The following SLC35F1 variants were observed in gnomAD, a reference collection of about 807,000 sequenced individuals.
SLC35F1 encodes the protein solute carrier family 35 member F1.
Under a neutral mutation model 48.7 loss-of-function variants are expected in SLC35F1, and 14 were observed. The ratio of observed to expected loss-of-function variants is 0.29; its 90% CI spans 0.19 to 0.45. The LOEUF (loss-of-function observed/expected upper bound fraction) is 0.45. Among genes scored for constraint, SLC35F1 ranks in the 20% least tolerant of loss-of-function variants. The pLI, the probability that SLC35F1 is intolerant of heterozygous loss-of-function variation, is 1.00. For missense variants in SLC35F1, 404 were observed against 500.0 expected (o/e 0.81, Z 1.83); for synonymous variants, 190 against 202.2 (o/e 0.94, Z 0.51).
intron 7 of SLC35F1, among the ~76,000 whole-genome samples, chr6:118,310,918 A>G (rs1292608343): frequency 6.6e-6 from 1 of 152,226 alleles, no homozygotes; most frequent in African/African-American, 2.4e-5. Flanking sequence ...ACAAAATTTA[A>G]CAGTATATTC....
Position 118,314,480 on chromosome 6 carries a change from A to C in SLC35F1, c.*228A>C. On this transcript the variant is annotated 3_prime_UTR_variant, in exon 8 of 8. Transcript: ENST00000360388. ...TGCCTAGCTAACGTGTATCCTGATC[A>C]CAACTCCCCTGCATTCATTACTGTG... 1.8e-6 allele frequency: 1 copy of C among 552,462 alleles called. No individual in the cohort carries two copies. The highest frequency in any genetic ancestry group is 2.5e-5 in the South Asian group (1 of 39,880). The allele number at this position is 552,462 out of a possible 1,614,324, so 34.2% of individuals were successfully genotyped here. A position where few individuals can be genotyped will look rare whatever the true frequency, so the allele number is the denominator to read the frequency against.
At chr6:117,929,182 C>G in intron 1 of SLC35F1, among the ~76,000 whole-genome samples, 1 of 151,674 alleles carries the variant, frequency 6.6e-6, no homozygotes, top group East Asian at 1.9e-4. Context: ...ATATTTCTTC[C>G]CTGCTATATA....
At position 117,923,671 on chromosome 6, in the gene SLC35F1, ATATG is replaced by A. The variant is rs1775950399; in HGVS notation, c.173+15775_173+15778del. Among the ~76,000 whole-genome samples the A allele has an allele frequency of 3.7e-4, 12 of 32,360 alleles. 3 individuals carry two copies. Among genetic ancestry groups the A allele is most frequent in the Non-Finnish European group, 6.0e-4 (11 of 18,358 alleles). The allele number at this position is 32,360 out of a possible 152,430, so 21.2% of individuals were successfully genotyped here. ...CATATGTACATATGTATATATACAT[ATATG>A]TACATATATACATATGTACATATAC... is the stretch of plus-strand genomic sequence containing the variant. On this transcript the variant is annotated intron_variant, in intron 1 of 7. Coordinates refer to ENST00000360388, the MANE Select transcript of SLC35F1 (RefSeq NM_001029858.4).
chr6:118,120,141 C>T (rs1018710278), intron 1 of SLC35F1, among the ~76,000 whole-genome samples: 1 of 152,156 alleles, frequency 6.6e-6, no homozygotes, highest in Non-Finnish European at 1.5e-5. Context: ...ATTCCCAAAA[C>T]CCAAAGAATT....
At chr6:117,969,083 T>A (rs1001376416) in intron 1 of SLC35F1, among the ~76,000 whole-genome samples, 6 of 152,228 alleles carry the variant, frequency 3.9e-5, no homozygotes, top group Non-Finnish European at 7.4e-5. Context: ...CTACCCCATG[T>A]GCCTTTTAGT....
At chr6:117,954,681 T>C (rs2114830174) in intron 1 of SLC35F1, among the ~76,000 whole-genome samples, 1 of 152,350 alleles carries the variant, frequency 6.6e-6, no homozygotes, top group African/African-American at 2.4e-5. Context: ...TGGATATTTG[T>C]TCTACTGCAT....
intron 1 of SLC35F1, among the ~76,000 whole-genome samples, chr6:117,925,861 T>A (rs1776020498): frequency 6.6e-6 from 1 of 152,106 alleles, no homozygotes; most frequent in South Asian, 2.1e-4. Flanking sequence ...CCAAATCAGG[T>A]CTGGATTAGA....
intron 2 of SLC35F1, among the ~76,000 whole-genome samples, chr6:118,211,992 C>G (rs1775006241): frequency 6.6e-6 from 1 of 152,304 alleles, no homozygotes. Flanking sequence ...AGCCAATCAG[C>G]ATTCAGTCCC....
chr6:118,040,409 A>C (rs1258076242), intron 1 of SLC35F1, among the ~76,000 whole-genome samples: 5 of 152,148 alleles, frequency 3.3e-5, no homozygotes, highest in Non-Finnish European at 5.9e-5. Flanking sequence ...AATCAGCGAA[A>C]AGGGATGGAT....
chr6:118,132,324 C>T (rs972948116), intron 1 of SLC35F1, among the ~76,000 whole-genome samples: 4 of 152,178 alleles, frequency 2.6e-5, no homozygotes, highest in African/African-American at 7.2e-5. Flanking sequence ...TTGGCACACT[C>T]GTGTGCCTTT....
intron 1 of SLC35F1, among the ~76,000 whole-genome samples, chr6:118,026,415 A>G (rs893420382): frequency 6.6e-6 from 1 of 152,342 alleles, no homozygotes; most frequent in East Asian, 1.9e-4. Flanking sequence ...GACTGGCTGT[A>G]CTTTTACAGA....
intron 3 of SLC35F1, among the ~76,000 whole-genome samples, chr6:118,239,241 A>G (rs1231423903): frequency 1.3e-5 from 2 of 148,602 alleles, no homozygotes; most frequent in Admixed American, 1.4e-4. Context: ...CCCAGCACAT[A>G]CTAGATACTA....
rs571853762 is a variant in SLC35F1, at chr6:117,999,401, G to A, written c.173+91502G>A. Reference sequence around the variant, plus strand: ...GGCTGCAGCTCCAGCTTCAGTTCCAGCTCAGGCTCCCAAAGGTACCCAGGC... The same window carrying A: ...GGCTGCAGCTCCAGCTTCAGTTCCAACTCAGGCTCCCAAAGGTACCCAGGC... On this transcript the variant is annotated intron_variant, in intron 1 of 7. Coordinates refer to ENST00000360388, the MANE Select transcript of SLC35F1 (RefSeq NM_001029858.4). The A allele has an allele frequency of 3.3e-5, 53 of 1,586,870 alleles. No homozygotes were observed. In the African/African-American group the frequency reaches 6.4e-4, roughly 19 times the overall value.
chr6:118,106,206 AC>A, intron 1 of SLC35F1, among the ~76,000 whole-genome samples: 1 of 151,796 alleles, frequency 6.6e-6, no homozygotes, highest in Non-Finnish European at 1.5e-5. Context: ...ACTAATAATG[AC>A]CCCTCTTCCT....
intron 2 of SLC35F1, among the ~76,000 whole-genome samples, chr6:118,169,598 C>A (rs902227347): frequency 6.6e-6 from 1 of 152,140 alleles, no homozygotes; most frequent in African/African-American, 2.4e-5. Flanking sequence ...CCAGCCAAGC[C>A]ACCCATCGCG....
intron 2 of SLC35F1, among the ~76,000 whole-genome samples, chr6:118,198,228 T>A (rs935222658): frequency 6.6e-6 from 1 of 152,188 alleles, no homozygotes; most frequent in Non-Finnish European, 1.5e-5. Flanking sequence ...TACATAAAAT[T>A]CAGATTTTGA....
chr6:117,958,420 C>T (rs1776454426), intron 1 of SLC35F1, among the ~76,000 whole-genome samples: 1 of 152,194 alleles, frequency 6.6e-6, no homozygotes, highest in Admixed American at 6.5e-5. Context: ...TAGACCTTCA[C>T]ATTCACCAAC....
intron 1 of SLC35F1, among the ~76,000 whole-genome samples, chr6:118,134,028 G>T (rs2114428124): frequency 6.6e-6 from 1 of 152,352 alleles, no homozygotes; most frequent in East Asian, 1.9e-4. Context: ...ACATGTTTGT[G>T]TGTGTCCTTC....
At position 118,148,731 on chromosome 6, in the gene SLC35F1, A is replaced by G. The variant is rs533525493; in HGVS notation, c.174-5714A>G. 7.2e-5 allele frequency among the ~76,000 whole-genome samples: 11 copies of G among 152,328 alleles called. No individual in the cohort carries two copies. In the South Asian group the frequency reaches 1.9e-3, roughly 26 times the overall value. ...GAATGCATCTGGTGTGTTATTCCAT[A>G]TACTACATGAATAACCTACAGCTCG... On this transcript the variant is annotated intron_variant, in intron 1 of 7. Coordinates refer to ENST00000360388, the MANE Select transcript of SLC35F1 (RefSeq NM_001029858.4).
Sources: allele counts gnomAD v4.1 joint callset (sites outside exome capture counted in the v4.1 genomes callset), GRCh38; gene constraint gnomAD v4.1.1; transcripts MANE v1.5; gene names NCBI Gene and HGNC (gene_info 2026-07-23, HGNC 2026-07-21).